Variants in DOCK6 observed in about 807,000 individuals in gnomAD.
DOCK6 encodes dedicator of cytokinesis 6.
DOCK6 carries 167 observed loss-of-function variants against 230.3 expected under a neutral mutation model. That is an observed-to-expected ratio of 0.73 (90% CI 0.64 to 0.82). DOCK6 has a LOEUF of 0.82. Among genes scored for constraint, DOCK6 ranks in the 40% least tolerant of loss-of-function variants. The probability of loss-of-function intolerance (pLI) is 0.00; values close to 1 mark genes in which losing one functional copy is unlikely to be tolerated. For synonymous variants in DOCK6, 1,148 were observed against 1,185.0 expected, an observed-to-expected ratio of 0.97 and a Z score of 0.64; for missense variants, 2,598 against 2,825.8, an observed-to-expected ratio of 0.92 and a Z score of 1.83.
rs762302163 is a variant in DOCK6 at position 11,236,451 on chromosome 19, C to T, written c.2287G>A (p.Ala763Thr). The change falls in exon 20 of 48, where the codon GCA (alanine) becomes ACA (threonine). Residue 763 changes from alanine to threonine, a missense_variant. Coordinates refer to ENST00000294618, the MANE Select transcript of DOCK6 (RefSeq NM_020812.4). The surrounding 1 kb of genome is among the most constrained non-coding windows in gnomAD (Gnocchi z 5.2). Reference protein sequence around the residue: ...VEQELRASLAALRLASPEPLV... With the variant: ...VEQELRASLATLRLASPEPLV... ...GGTTCGGGGCTGGCCAGGCGCAGTG[C>T]TGCAAGACTGGCCCGCAGCTCCTGC... 1.9e-6 allele frequency: 3 copies of T among 1,592,548 alleles called. No individual in the cohort carries two copies. The African/African-American group carries it at 4.0e-5, about 21-fold the overall frequency.
At position 11,214,647 on chromosome 19, in the gene DOCK6, G is replaced by C; in HGVS notation, c.4109C>G (p.Thr1370Ser). ...WKQTSDRVDK[T>S]KDEMEHEALV... ...GGCCTCGTGTTCCATTTCATCCTTG[G>C]TCCTGGAAGGGGAAAGGAGGTCTTG... Residue 1370 changes from threonine (T) to serine (S), a missense_variant and splice_region_variant, in exon 33 of 48, where the codon ACC (threonine) becomes AGC (serine). By Grantham distance (58) the Thr-to-Ser change is moderately conservative. Coordinates refer to ENST00000294618, the MANE Select transcript of DOCK6 (RefSeq NM_020812.4). The C allele has an allele frequency of 6.2e-7, 1 of 1,613,476 alleles. No individual in the cohort carries two copies. The highest frequency in any genetic ancestry group is 8.5e-7 in the Non-Finnish European group (1 of 1,179,734).
At chr19:11,242,990 C>T in intron 13 of DOCK6, 69 bp downstream of exon 13, 1 of 1,566,090 alleles carries the variant, frequency 6.4e-7, no homozygotes, top group Non-Finnish European at 8.8e-7. Context: ...ACAGTAGGTG[C>T]TCTCAGTGTA....
chr19:11,236,218 T>A lies in DOCK6; in HGVS notation c.2392+128A>T. The stretch of plus-strand genomic sequence containing the variant: ...AAGACCTTCTCTGGGTGCAGGGGAC[T>A]GGAGGTCATTTTTCAGATGAGAAAA... On this transcript the variant is annotated intron_variant, in intron 20 of 47. Coordinates refer to ENST00000294618, the MANE Select transcript of DOCK6 (RefSeq NM_020812.4). This position sits in a 1 kb window ranked among gnomAD's most constrained non-coding sequence, Gnocchi z 5.2. 1 of 911,928 alleles carries A rather than the reference T, an allele frequency of 1.1e-6. No individual in the cohort carries two copies. Among genetic ancestry groups the A allele is most frequent in the South Asian group, 1.7e-5 (1 of 57,182 alleles). The allele number at this position is 911,928 out of a possible 1,614,324, so 56.5% of individuals were successfully genotyped here.
intron 1 of DOCK6, among the ~76,000 whole-genome samples, chr19:11,259,618 C>T (rs1275475963): frequency 3.0e-5 from 4 of 131,402 alleles, no homozygotes; most frequent in Non-Finnish European, 6.2e-5. Flanking sequence ...AGTGCAGTGG[C>T]GGGATCTCGG....
At chr19:11,229,656 A>T (rs1297139412) in intron 22 of DOCK6, among the ~76,000 whole-genome samples, 5 of 151,898 alleles carry the variant, frequency 3.3e-5, no homozygotes, top group African/African-American at 1.2e-4. Flanking sequence ...GGGGCAGTGG[A>T]GGCAGGGACA....
At chr19:11,244,624 C>T (rs995784333) in intron 9 of DOCK6, among the ~76,000 whole-genome samples, 1 of 152,018 alleles carries the variant, frequency 6.6e-6, no homozygotes, top group Non-Finnish European at 1.5e-5. Context: ...CTACGTCCCG[C>T]TAATTTTTGT....
chr19:11,238,066 G>A lies in DOCK6; in HGVS notation c.1811C>T (p.Thr604Ile), dbSNP rs780081869. ...SCSEFTREAF[T>I]PVVYHNKSPE... is the part of the protein sequence containing the mutation. Reference sequence around the variant, plus strand: ...ATACTTGTTATGGTAGACCACCGGTGTGAAGGCCTCGCGGGTAAATTCACT... The same window carrying A: ...ATACTTGTTATGGTAGACCACCGGTATGAAGGCCTCGCGGGTAAATTCACT... The change falls in exon 16 of 48, where the codon ACA (threonine) becomes ATA (isoleucine). Residue 604 changes from threonine (T) to isoleucine (I), a missense_variant. By Grantham distance (89) the Thr-to-Ile change is moderately conservative. Coordinates refer to ENST00000294618, the MANE Select transcript of DOCK6 (RefSeq NM_020812.4). The A allele has an allele frequency of 1.9e-6, 3 of 1,613,900 alleles. No homozygotes were observed. Among genetic ancestry groups the A allele is most frequent in the Non-Finnish European group, 2.5e-6 (3 of 1,179,854 alleles).
At chr19:11,255,048 G>A (rs1299991615) in intron 1 of DOCK6, among the ~76,000 whole-genome samples, 1 of 152,194 alleles carries the variant, frequency 6.6e-6, no homozygotes, top group Non-Finnish European at 1.5e-5. Context: ...TGTTGCCCAG[G>A]CTGGAGTGCA....
At chr19:11,215,266 T>C (rs1236603484) in intron 32 of DOCK6, 121 bp downstream of exon 32, 1 of 859,088 alleles carries the variant, frequency 1.2e-6, no homozygotes, top group Non-Finnish European at 1.8e-6. Flanking sequence ...TTTTTAAATT[T>C]TTGGTAGAGA....
chr19:11,235,613 G>T lies in DOCK6; in HGVS notation c.2539C>A (p.Pro847Thr). Residue 847 changes from proline (P) to threonine (T), a missense_variant, in exon 21 of 48, where the codon CCC becomes ACC. By Grantham distance (38) the Pro-to-Thr change is conservative. Coordinates refer to ENST00000294618, the MANE Select transcript of DOCK6 (RefSeq NM_020812.4). ...ACAAACTCACCATCCGGGAGGCTGG[G>T]CTCAGTGCCAGGAAGGCGAAAGGCG... ...HYAFRLPGTEPSLPDGAPPVT... is the reference protein window; with the variant it reads ...HYAFRLPGTETSLPDGAPPVT... The T allele has an allele frequency of 6.3e-7, 1 of 1,593,724 alleles. No homozygotes were observed. Among genetic ancestry groups the T allele is most frequent in the Non-Finnish European group, 8.6e-7 (1 of 1,167,190 alleles).
chr19:11,242,760 G>A (rs894004872), intron 13 of DOCK6, among the ~76,000 whole-genome samples: 3 of 151,946 alleles, frequency 2.0e-5, no homozygotes, highest in Non-Finnish European at 4.4e-5. Context: ...AAGTGTTGGC[G>A]TTACAGACTT....
In DOCK6 at chr19:11,200,451, C is replaced by G; in HGVS notation, c.5958G>C (p.Arg1986=). ...DFCKKCEDAL[R]KNKALIGPDQ... ...CCGGCCCAATCAGGGCCTTATTTTT[C>G]CGCAGCGCATCCTCACATCTGAGGG... is the stretch of plus-strand genomic sequence containing the variant. The change falls in exon 47 of 48, where the codon CGG becomes CGC. Residue 1986 remains arginine, a synonymous_variant. Transcript: ENST00000294618. The surrounding 1 kb of genome is among the most constrained non-coding windows in gnomAD (Gnocchi z 4.3). The G allele has an allele frequency of 6.2e-7, 1 of 1,611,260 alleles. No individual in the cohort carries two copies. The highest frequency in any genetic ancestry group is 1.1e-5 in the South Asian group (1 of 90,204).
At chr19:11,224,264 G>C (rs1008378543) in intron 24 of DOCK6, among the ~76,000 whole-genome samples, 69 of 139,604 alleles carry the variant, frequency 4.9e-4, no homozygotes, top group African/African-American at 1.8e-3. Flanking sequence ...AGGCTATAGT[G>C]CAATGGCGCG....
chr19:11,230,404 G>C (rs1418261149), intron 22 of DOCK6, among the ~76,000 whole-genome samples: 1 of 152,216 alleles, frequency 6.6e-6, no homozygotes, highest in African/African-American at 2.4e-5. Flanking sequence ...CCAGTGACCA[G>C]TGACAGCAGT....
In DOCK6 at chr19:11,201,768, C is replaced by T; in HGVS notation, c.5688+121G>A. 1.1e-6 allele frequency: 1 copy of T among 937,900 alleles called. No individual in the cohort carries two copies. Among genetic ancestry groups the T allele is most frequent in the Non-Finnish European group, 1.6e-6 (1 of 626,560 alleles). 58.1% of individuals were successfully genotyped at this position (937,900 alleles called of 1,614,324 possible). A position where few individuals can be genotyped will look rare whatever the true frequency, so the allele number is the denominator to read the frequency against. On this transcript the variant is annotated intron_variant, in intron 44 of 47. Coordinates refer to ENST00000294618, the MANE Select transcript of DOCK6 (RefSeq NM_020812.4). The surrounding 1 kb of genome is among the most constrained non-coding windows in gnomAD (Gnocchi z 4.3). ...TCTAGGGTCCCTGTGCCACCCCTCT[C>T]TGGGTCTGAGGTCCGTGAACCACCT...
intron 1 of DOCK6, among the ~76,000 whole-genome samples, chr19:11,256,621 C>G (rs1396446463): frequency 6.6e-6 from 1 of 152,202 alleles, no homozygotes; most frequent in Admixed American, 6.5e-5. Context: ...TCTTCAAAGA[C>G]AATCCTAGGC....
intron 14 of DOCK6, chr19:11,238,564 G>A (rs1275279238): frequency 6.3e-6 from 3 of 473,178 alleles, no homozygotes; most frequent in Non-Finnish European, 1.2e-5. Context: ...AATACAGAAG[G>A]ACATTGGAGG....
rs188194580 is a variant in DOCK6 at position 11,255,340 on chromosome 19, T to C, written c.45-1614A>G. The stretch of plus-strand genomic sequence containing the variant: ...TTTTTTTTTTGAGACAGGGTTGCTC[T>C]GTTGCCCAGGCTGGAGTGTAGTGGC... On this transcript the variant is annotated intron_variant, in intron 1 of 47. Coordinates refer to ENST00000294618, the MANE Select transcript of DOCK6 (RefSeq NM_020812.4). 4.7e-5 allele frequency among the ~76,000 whole-genome samples: 7 copies of C among 150,134 alleles called. No homozygotes were observed. The East Asian group carries it at 1.4e-3, about 29-fold the overall frequency.
intron 21 of DOCK6, among the ~76,000 whole-genome samples, 156 bp from the exon 22 acceptor site, chr19:11,233,522 G>A (rs538517859): frequency 2.8e-4 from 42 of 152,144 alleles, no homozygotes; most frequent in Non-Finnish European, 4.9e-4. Context: ...GCCTCACAGA[G>A]ATTGGGGGGG....
Sources: gnomAD v4.1 joint callset for allele counts (sites outside exome capture counted in the v4.1 genomes callset) on GRCh38, gnomAD v4.1.1 for gene constraint, Gnocchi (gnomAD v3.1) non-coding constraint, MANE v1.5 for transcripts, NCBI Gene and HGNC (gene_info 2026-07-23, HGNC 2026-07-21) for gene names.